Variants in MTSS1 observed in about 807,000 individuals in gnomAD.
The protein encoded by MTSS1 is protein MTSS 1.
MTSS1 carries 18 observed loss-of-function variants against 79.0 expected under a neutral mutation model. That is an observed-to-expected ratio of 0.23 (90% CI 0.16 to 0.34). The LOEUF is 0.34. Among genes scored for constraint, MTSS1 ranks in the 10% least tolerant of loss-of-function variants. The probability of loss-of-function intolerance (pLI) is 1.00; values close to 1 mark genes in which losing one functional copy is unlikely to be tolerated. For missense variants in MTSS1, 815 were observed against 986.2 expected (o/e 0.83, Z 2.33); for synonymous variants, 341 against 368.6 (o/e 0.93, Z 0.86).
chr8:124,637,439 C>G lies in MTSS1; in HGVS notation c.209-46204G>C, dbSNP rs76831948. Among the ~76,000 whole-genome samples the G allele has an allele frequency of 8.6e-3, 1,308 of 152,212 alleles. 18 individuals are homozygous for G. The highest frequency in any genetic ancestry group is 0.03 in the African/African-American group (1,254 of 41,520). Reference sequence around the variant, plus strand: ...GAGCAGCATGGGGTGGGGGCTGAGACCCCAGAAGGCCCTTCTCCCACAGGA... The same window carrying G: ...GAGCAGCATGGGGTGGGGGCTGAGAGCCCAGAAGGCCCTTCTCCCACAGGA... On this transcript the variant is annotated intron_variant, in intron 3 of 13. Coordinates refer to ENST00000518547, the MANE Select transcript of MTSS1 (RefSeq NM_014751.6).
chr8:124,568,733 G>A lies in MTSS1; in HGVS notation c.461-197C>T, dbSNP rs1328518339. On this transcript the variant is annotated intron_variant, in intron 6 of 13. Transcript: ENST00000518547. ...CATTTCCAATTTTCAATGCCCAAAG[G>A]GCACATTTAGCCTGGCTTATTCCTG... is the stretch of plus-strand genomic sequence containing the variant. 4.0e-6 allele frequency: 6 copies of A among 1,484,358 alleles called. No homozygotes were observed. The Admixed American group carries it at 8.7e-5, about 22-fold the overall frequency. 91.9% of individuals were successfully genotyped at this position (1,484,358 alleles called of 1,614,324 possible). A position where few individuals can be genotyped will look rare whatever the true frequency, so the allele number is the denominator to read the frequency against.
chr8:124,587,974 T>C (rs2132604453), intron 5 of MTSS1, among the ~76,000 whole-genome samples: 1 of 152,346 alleles, frequency 6.6e-6, no homozygotes, highest in Non-Finnish European at 1.5e-5. Context: ...TTCAGGAGTC[T>C]GTTGTCTGTG....
At position 124,684,023 on chromosome 8, in the gene MTSS1, T is replaced by C. The variant is rs558148862; in HGVS notation, c.208+15503A>G. ...CAGCAGAGCAGCACAACCATTTGGT[T>C]TGCAGCCACGGCCAAAACTTGGAGA... On this transcript the variant is annotated intron_variant, in intron 3 of 13. Coordinates refer to ENST00000518547, the MANE Select transcript of MTSS1 (RefSeq NM_014751.6). 4.6e-5 allele frequency among the ~76,000 whole-genome samples: 7 copies of C among 152,336 alleles called. No individual in the cohort carries two copies. In the South Asian group the frequency reaches 1.2e-3, roughly 27 times the overall value.
intron 3 of MTSS1, among the ~76,000 whole-genome samples, chr8:124,689,409 T>C (rs1051649874): frequency 6.6e-6 from 1 of 151,720 alleles, no homozygotes; most frequent in Admixed American, 6.6e-5. Flanking sequence ...ACCAAGTTCA[T>C]AGCTCTATGG....
chr8:124,648,759 A>C (rs1819439980), intron 3 of MTSS1, among the ~76,000 whole-genome samples: 4 of 150,974 alleles, frequency 2.6e-5, no homozygotes, highest in African/African-American at 9.8e-5. Flanking sequence ...GGTAAGTGAG[A>C]AAATGTGAGA....
chr8:124,672,970 T>C (rs1824564619), intron 3 of MTSS1, among the ~76,000 whole-genome samples: 1 of 152,058 alleles, frequency 6.6e-6, no homozygotes, highest in Admixed American at 6.5e-5. Flanking sequence ...TCATTTATTG[T>C]CCAGGAAAGA....
chr8:124,665,179 T>G lies in MTSS1; in HGVS notation c.208+34347A>C, dbSNP rs78068845. On this transcript the variant is annotated intron_variant, in intron 3 of 13. Coordinates refer to ENST00000518547, the MANE Select transcript of MTSS1 (RefSeq NM_014751.6). ...TTAAACTATTTGAACATGTCTATAA[T>G]AAGAAGCAGGGCTGCCTTCCAATGT... Among the ~76,000 whole-genome samples the G allele has an allele frequency of 2.0e-3, 298 of 152,326 alleles. 5 individuals are homozygous for G. The highest frequency in any genetic ancestry group is 6.5e-3 in the African/African-American group (270 of 41,578).
At chr8:124,612,492 G>A (rs1835996854) in intron 3 of MTSS1, among the ~76,000 whole-genome samples, 2 of 151,958 alleles carry the variant, frequency 1.3e-5, no homozygotes, top group Non-Finnish European at 2.9e-5. Flanking sequence ...AGCTGAAACT[G>A]ACCTTTCAGG....
chr8:124,651,475 G>A (rs1819959949), intron 3 of MTSS1, among the ~76,000 whole-genome samples: 1 of 151,640 alleles, frequency 6.6e-6, no homozygotes, highest in South Asian at 2.1e-4. Context: ...GGGGGGGGAG[G>A]GGCATAGATT....
At chr8:124,657,504 C>A (rs1254786321) in intron 3 of MTSS1, among the ~76,000 whole-genome samples, 1 of 150,264 alleles carries the variant, frequency 6.7e-6, no homozygotes, top group African/African-American at 2.5e-5. Flanking sequence ...AGAGGACACA[C>A]ACTACTTAGT....
chr8:124,654,601 C>T (rs1820601962), intron 3 of MTSS1, among the ~76,000 whole-genome samples: 1 of 152,054 alleles, frequency 6.6e-6, no homozygotes, highest in Non-Finnish European at 1.5e-5. Context: ...TATCCTTATG[C>T]CAAGAACACC....
At chr8:124,707,640 G>A (rs1210686597) in intron 1 of MTSS1, among the ~76,000 whole-genome samples, 1 of 152,010 alleles carries the variant, frequency 6.6e-6, no homozygotes, top group Non-Finnish European at 1.5e-5. Context: ...CCCGGAAAGT[G>A]GAGGTTGCAT....
Position 124,557,527 on chromosome 8 carries a change from C to T in MTSS1, c.1230+154G>A, listed in dbSNP as rs116349194. 3.1e-3 allele frequency among the ~76,000 whole-genome samples: 476 copies of T among 152,296 alleles called. 1 individual carries two copies. Among genetic ancestry groups the T allele is most frequent in the Middle Eastern group, 0.014 (4 of 294 alleles). Reference sequence around the variant, plus strand: ...TGCCGGCTGCTTTCTGCTTCTCCCCCAATGGGAGTTTCCTGAGGGAGAGGC... The same window carrying T: ...TGCCGGCTGCTTTCTGCTTCTCCCCTAATGGGAGTTTCCTGAGGGAGAGGC... On this transcript the variant is annotated intron_variant, in intron 11 of 13. Coordinates refer to ENST00000518547, the MANE Select transcript of MTSS1 (RefSeq NM_014751.6).
chr8:124,633,774 A>G (rs946772537), intron 3 of MTSS1, among the ~76,000 whole-genome samples: 41 of 151,132 alleles, frequency 2.7e-4, no homozygotes, highest in African/African-American at 8.5e-4. Context: ...CCTGTCTCAA[A>G]AAAAAAAAAA....
At chr8:124,588,786 C>T (rs1259353759) in intron 5 of MTSS1, among the ~76,000 whole-genome samples, 1 of 152,192 alleles carries the variant, frequency 6.6e-6, no homozygotes, top group Admixed American at 6.5e-5. Context: ...GCAATCTCTG[C>T]TTACTGCAAC....
chr8:124,662,211 A>T (rs1822182239), intron 3 of MTSS1, among the ~76,000 whole-genome samples: 1 of 152,108 alleles, frequency 6.6e-6, no homozygotes, highest in South Asian at 2.1e-4. Flanking sequence ...CCGGGTGCCT[A>T]CCTCACACCA....
chr8:124,553,213 G>T lies in MTSS1; in HGVS notation c.2047C>A (p.Pro683Thr). Residue 683 changes from proline to threonine, a missense_variant, in exon 14 of 14, where the codon CCT becomes ACT. Physicochemically the swap from Pro to Thr is conservative, Grantham distance 38. Around this residue, in one of 2 missense-constraint regions of MTSS1, gnomAD observed 590 missense variants for 620.8 expected, o/e 0.95. Transcript: ENST00000518547. The surrounding 1 kb of genome is among the most constrained non-coding windows in gnomAD (Gnocchi z 6.0). ...PPLPGPKPSI[P>T]EEHRQAIPES... ...GGAATTGCCTGTCTGTGCTCCTCAGGGATACTGGGCTTCGGGCCTGGAAGT... is the reference window on the plus strand; with the variant it reads ...GGAATTGCCTGTCTGTGCTCCTCAGTGATACTGGGCTTCGGGCCTGGAAGT... The T allele has an allele frequency of 6.2e-7, 1 of 1,614,082 alleles. No individual in the cohort carries two copies. The highest frequency in any genetic ancestry group is 8.5e-7 in the Non-Finnish European group (1 of 1,180,026).
Position 124,552,036 on chromosome 8 carries a change from T to C in MTSS1, c.*956A>G, listed in dbSNP as rs1438469665. 1 of 152,678 alleles carries C rather than the reference T, an allele frequency of 6.5e-6. No homozygotes were observed. The highest frequency in any genetic ancestry group is 2.4e-5 in the African/African-American group (1 of 41,472). The allele number at this position is 152,678 out of a possible 1,614,324, so 9.5% of individuals were successfully genotyped here. On this transcript the variant is annotated 3_prime_UTR_variant, in exon 14 of 14. Transcript: ENST00000518547. The stretch of plus-strand genomic sequence containing the variant: ...AAAGGCATTTACTATAATCTAAGAA[T>C]TCCCTGCTATTATCATTTTTAAATG...
At chr8:124,568,115 G>A in intron 7 of MTSS1, 1 of 711,216 alleles carries the variant, frequency 1.4e-6, no homozygotes, top group Non-Finnish European at 2.2e-6. Flanking sequence ...TGCTGACCTG[G>A]GGACCTCACT....
Sources: allele counts gnomAD v4.1 joint callset (sites outside exome capture counted in the v4.1 genomes callset), GRCh38; gene constraint gnomAD v4.1.1; regional missense constraint gnomAD v4.1.1; non-coding constraint Gnocchi (gnomAD v3.1); transcripts MANE v1.5; gene names NCBI Gene and HGNC (gene_info 2026-07-23, HGNC 2026-07-21).